Variants in COL4A4 observed in about 807,000 individuals in gnomAD.
COL4A4 encodes collagen alpha-4(IV) chain.
COL4A4 carries 105 observed loss-of-function variants against 192.9 expected under a neutral mutation model. The observed-to-expected ratio is 0.54, with a 90% CI of 0.46 to 0.64. The LOEUF is 0.64. COL4A4 is among the 30% of genes least tolerant of loss of function. The pLI is 0.00. For missense variants in COL4A4, 1,967 were observed against 2,169.3 expected (o/e 0.91, Z 1.85); for synonymous variants, 762 against 769.9 (o/e 0.99, Z 0.17).
At chr2:226,990,343 C>A in the COL4A4 span, among the ~76,000 whole-genome samples, 1 of 152,174 alleles carries the variant, frequency 6.6e-6, no homozygotes, top group African/African-American at 2.4e-5. Flanking sequence ...CTGCCCTCAT[C>A]TGACAATAGA....
At chr2:227,008,447 G>A in intron 46 of COL4A4, 143 bp from the exon 47 acceptor site, 4 of 961,146 alleles carry the variant, frequency 4.2e-6, no homozygotes, top group Non-Finnish European at 6.5e-6. Context: ...TGGTGAGGAA[G>A]CCATTTCTGA....
At chr2:227,103,046 A>T in intron 14 of COL4A4, 98 bp downstream of exon 14, 1 of 1,154,128 alleles carries the variant, frequency 8.7e-7, no homozygotes, top group Non-Finnish European at 1.3e-6. Flanking sequence ...AATATATATT[A>T]GCACTTAAAG....
At chr2:226,978,083 T>C in the COL4A4 span, among the ~76,000 whole-genome samples, 1 of 152,250 alleles carries the variant, frequency 6.6e-6, no homozygotes, top group East Asian at 1.9e-4. Context: ...TATTTTTTTC[T>C]ACTGTGAGAT....
intron 3 of COL4A4, 141 bp from the exon 4 acceptor site, chr2:227,140,379 AG>A: frequency 1.4e-6 from 1 of 724,434 alleles, no homozygotes; most frequent in Non-Finnish European, 2.4e-6. Context: ...AAAAAGATGA[AG>A]AACTTACACA....
At chr2:227,064,064 G>T (rs2058142235) in intron 25 of COL4A4, among the ~76,000 whole-genome samples, 1 of 152,010 alleles carries the variant, frequency 6.6e-6, no homozygotes, top group African/African-American at 2.4e-5. Context: ...TAATAATTTT[G>T]CCCAGAAGAG....
intron 35 of COL4A4, among the ~76,000 whole-genome samples, chr2:227,046,115 AT>A (rs2150137976): frequency 8.5e-6 from 1 of 117,778 alleles, no homozygotes; most frequent in African/African-American, 3.5e-5. Flanking sequence ...ATCTAAATAT[AT>A]TTGTTCATGT....
At chr2:227,094,005 A>G in intron 20 of COL4A4, 120 bp downstream of exon 20, 1 of 931,884 alleles carries the variant, frequency 1.1e-6, no homozygotes, top group South Asian at 1.7e-5. Context: ...AAGACAACCA[A>G]CTTAGCTCAT....
chr2:227,031,524 G>C (rs1018744564), intron 40 of COL4A4, among the ~76,000 whole-genome samples: 2 of 152,140 alleles, frequency 1.3e-5, no homozygotes, highest in Admixed American at 6.5e-5. Flanking sequence ...TGAAGAGACT[G>C]TTTCTTGTGT....
At position 227,009,617 on chromosome 2, in the gene COL4A4, G is replaced by A. The variant is rs377413171; in HGVS notation, c.4522+696C>T. Among the ~76,000 whole-genome samples, 9 of 151,786 alleles carry A rather than the reference G, an allele frequency of 5.9e-5. No individual in the cohort carries two copies. In the East Asian group the frequency reaches 1.4e-3, roughly 23 times the overall value. On this transcript the variant is annotated intron_variant, in intron 46 of 47. Transcript: ENST00000396625. ...GGAGGCTGAGGCAGGAGAATCGCTC[G>A]AACCCTGGAGGTGGAGGTTGCAGTG... is the stretch of plus-strand genomic sequence containing the variant.
intron 20 of COL4A4, among the ~76,000 whole-genome samples, chr2:227,092,711 G>A (rs1251489179): frequency 6.6e-6 from 1 of 152,120 alleles, no homozygotes; most frequent in Non-Finnish European, 1.5e-5. Context: ...TGGCTCAGCT[G>A]GTGAATGGCC....
chr2:227,149,751 G>T (rs1477638510), intron 1 of COL4A4, among the ~76,000 whole-genome samples: 2 of 152,178 alleles, frequency 1.3e-5, no homozygotes, highest in African/African-American at 4.8e-5. Context: ...GTACAGAGGA[G>T]AATTTTATTA....
Position 227,052,167 on chromosome 2 carries a change from G to A in COL4A4, c.2968+138C>T, listed in dbSNP as rs181802572. The A allele has an allele frequency of 9.9e-5, 61 of 617,734 alleles. No individual in the cohort carries two copies. In the Middle Eastern group the frequency reaches 1.7e-3, roughly 18 times the overall value. The allele number at this position is 617,734 out of a possible 1,614,324, so 38.3% of individuals were successfully genotyped here. On this transcript the variant is annotated intron_variant, in intron 32 of 47. Transcript: ENST00000396625. ...GATGGTGCCACTGCACTCCAGCCTG[G>A]GCGACAAGAGCAAAACTCCATCTCA...
intron 45 of COL4A4, among the ~76,000 whole-genome samples, chr2:227,010,774 C>T (rs934142434): frequency 2.0e-5 from 3 of 152,180 alleles, no homozygotes; most frequent in Non-Finnish European, 2.9e-5. Context: ...CCTCATAGAG[C>T]TTGCATTACA....
intron 25 of COL4A4, among the ~76,000 whole-genome samples, chr2:227,077,584 G>T (rs1300597294): frequency 6.6e-6 from 1 of 151,850 alleles, no homozygotes; most frequent in African/African-American, 2.4e-5. Flanking sequence ...GATAGATGCA[G>T]CAAACCACCA....
rs781174851 is a variant in COL4A4, at chr2:227,060,119, A to C, written c.2164+17T>G. ...CAAAGCAGAAAAAAAAAAAAAAAAA[A>C]AAAAAACCTCACTGACCAGGTGGAC... On this transcript the variant is annotated intron_variant, in intron 27 of 47. Coordinates refer to ENST00000396625, the MANE Select transcript of COL4A4 (RefSeq NM_000092.5). 2.5e-5 allele frequency: 35 copies of C among 1,391,060 alleles called. No homozygotes were observed. The highest frequency in any genetic ancestry group is 6.4e-5 in the South Asian group (5 of 78,734). 86.2% of individuals were successfully genotyped at this position (1,391,060 alleles called of 1,614,324 possible).
intron 44 of COL4A4, among the ~76,000 whole-genome samples, chr2:227,018,920 C>T (rs1367553351): frequency 1.3e-5 from 2 of 152,194 alleles, no homozygotes; most frequent in Non-Finnish European, 2.9e-5. Context: ...GAGAGAGAAT[C>T]TTGTTCTTGT....
At chr2:227,154,678 T>C (rs1228249049) in intron 1 of COL4A4, among the ~76,000 whole-genome samples, 1 of 152,240 alleles carries the variant, frequency 6.6e-6, no homozygotes, top group Non-Finnish European at 1.5e-5. Context: ...AACACCTGTT[T>C]CTATATACAT....
chr2:227,109,905 C>T (rs577686850), intron 9 of COL4A4, among the ~76,000 whole-genome samples: 3 of 152,118 alleles, frequency 2.0e-5, no homozygotes, highest in Non-Finnish European at 4.4e-5. Context: ...GCATTACTAC[C>T]TACTCCTAAA....
rs115358560 is a variant in COL4A4, at chr2:227,042,995, G to A, written c.3397+82C>T. ...ATGGCAGAGCCATATCTGAATTTAG[G>A]TCTAATTAAAGACTGGTGGTTTCTG... On this transcript the variant is annotated intron_variant, in intron 36 of 47. Transcript: ENST00000396625. 1,217 of 1,000,306 alleles carry A rather than the reference G, an allele frequency of 1.2e-3. 12 individuals are homozygous for A. In the African/African-American group the frequency reaches 0.016, roughly 13 times the overall value. 62.0% of individuals were successfully genotyped at this position (1,000,306 alleles called of 1,614,324 possible).
Sources: allele counts gnomAD v4.1 joint callset (sites outside exome capture counted in the v4.1 genomes callset), GRCh38; gene constraint gnomAD v4.1.1; transcripts MANE v1.5; gene names NCBI Gene and HGNC (gene_info 2026-07-23, HGNC 2026-07-21).